STARD13: variants seen among roughly 807,000 people sequenced by gnomAD.
The protein encoded by STARD13 is stAR-related lipid transfer protein 13.
Under a neutral mutation model 106.4 loss-of-function variants are expected in STARD13, and 62 were observed. That is an observed-to-expected ratio of 0.58 (90% CI 0.48 to 0.72). The LOEUF (loss-of-function observed/expected upper bound fraction) is 0.72. Among genes scored for constraint, STARD13 ranks in the 30% least tolerant of loss-of-function variants. The pLI, the probability that STARD13 is intolerant of heterozygous loss-of-function variation, is 0.00. For synonymous variants in STARD13, 565 were observed against 553.0 expected (o/e 1.02, Z -0.31); for missense variants, 1,387 against 1,424.0 (o/e 0.97, Z 0.42).
the STARD13 span, among the ~76,000 whole-genome samples, chr13:33,373,517 G>A: frequency 1.3e-5 from 2 of 152,008 alleles, no homozygotes; most frequent in African/African-American, 4.8e-5. Flanking sequence ...GAGAAAAAAC[G>A]CCAATATGGT....
chr13:33,269,756 A>C (rs887306929), intron 1 of STARD13, among the ~76,000 whole-genome samples: 1 of 152,246 alleles, frequency 6.6e-6, no homozygotes, highest in African/African-American at 2.4e-5. Flanking sequence ...AATACAAAGT[A>C]TAATTCTTGA....
the STARD13 span, among the ~76,000 whole-genome samples, chr13:33,377,743 A>G: frequency 6.6e-6 from 1 of 152,182 alleles, no homozygotes; most frequent in African/African-American, 2.4e-5. Flanking sequence ...AGAAAAGCCT[A>G]CACTTAGAGC....
the STARD13 span, among the ~76,000 whole-genome samples, chr13:33,460,510 A>C: frequency 6.6e-6 from 1 of 151,220 alleles, no homozygotes; most frequent in African/African-American, 2.4e-5. Context: ...AAAAAGAAAG[A>C]TTGTTTCTGG....
At chr13:33,350,612 A>C (rs2138624940) in exon 1 of STARD13, 2 of 1,375,394 alleles carry the variant, frequency 1.5e-6, no homozygotes, top group Non-Finnish European at 9.4e-7. Flanking sequence ...GGCCACCAGA[A>C]ACGCCGCGCT....
the STARD13 span, among the ~76,000 whole-genome samples, chr13:33,494,489 A>T: frequency 4.7e-4 from 72 of 152,196 alleles, 1 homozygote; most frequent in East Asian, 0.013. Flanking sequence ...TGGGCGTGAA[A>T]AGGAATTATA....
chr13:33,577,120 C>T, the STARD13 span, among the ~76,000 whole-genome samples: 1 of 152,148 alleles, frequency 6.6e-6, no homozygotes, highest in Non-Finnish European at 1.5e-5. Context: ...ATGTCCATGT[C>T]TTTACTGCAG....
At position 33,142,386 on chromosome 13, in the gene STARD13, A is replaced by G. The variant is rs1290618480; in HGVS notation, c.324-13T>C. 6.2e-7 allele frequency: 1 copy of G among 1,606,958 alleles called. No homozygotes were observed. The highest frequency in any genetic ancestry group is 2.2e-5 in the East Asian group (1 of 44,850). The stretch of plus-strand genomic sequence containing the variant: ...CGTATTTAGTCGTCTAAAAGGAAAG[A>G]AAAATGTGATGATTACTTTCACTAA... On this transcript the variant is annotated splice_polypyrimidine_tract_variant and intron_variant, in intron 3 of 13. Transcript: ENST00000336934.
chr13:33,565,662 A>G, the STARD13 span, among the ~76,000 whole-genome samples: 2 of 147,912 alleles, frequency 1.4e-5, 1 homozygote, highest in Non-Finnish European at 3.0e-5. Context: ...AATTACCTGT[A>G]GGCTCATACA....
intron 1 of STARD13, among the ~76,000 whole-genome samples, chr13:33,237,274 A>G (rs765552567): frequency 6.6e-6 from 1 of 152,200 alleles, no homozygotes; most frequent in Non-Finnish European, 1.5e-5. Flanking sequence ...TAGGAAAAAT[A>G]ATTAAATAAT....
At chr13:33,473,434 C>T in the STARD13 span, among the ~76,000 whole-genome samples, 2 of 152,212 alleles carry the variant, frequency 1.3e-5, no homozygotes, top group African/African-American at 4.8e-5. Context: ...TGGTATATGT[C>T]TGGTTGCATG....
At chr13:33,218,764 T>G (rs1405136292) in intron 1 of STARD13, among the ~76,000 whole-genome samples, 2 of 152,218 alleles carry the variant, frequency 1.3e-5, no homozygotes, top group Non-Finnish European at 2.9e-5. Context: ...TTCATTCAGT[T>G]GTCTGTGAAG....
the STARD13 span, among the ~76,000 whole-genome samples, chr13:33,465,712 C>T: frequency 6.6e-6 from 1 of 152,052 alleles, no homozygotes; most frequent in African/African-American, 2.4e-5. Flanking sequence ...ACATGCACTA[C>T]GCTAAGAGGC....
intron 1 of STARD13, among the ~76,000 whole-genome samples, chr13:33,190,568 GTTTTCTTTTC>G (rs1232537667): frequency 4.4e-4 from 66 of 149,414 alleles, no homozygotes; most frequent in Middle Eastern, 3.6e-3. Context: ...CACCCATTTC[GTTTTCTTTTC>G]TTTTCTTTTC....
At chr13:33,440,778 T>TC in the STARD13 span, among the ~76,000 whole-genome samples, 1 of 145,398 alleles carries the variant, frequency 6.9e-6, no homozygotes, top group African/African-American at 2.5e-5. Flanking sequence ...TTTTTTTTTT[T>TC]TTTTTTTTTT....
At chr13:33,418,689 G>A in the STARD13 span, among the ~76,000 whole-genome samples, 2 of 152,206 alleles carry the variant, frequency 1.3e-5, no homozygotes, top group South Asian at 4.1e-4. Flanking sequence ...CTCCCAGTAG[G>A]GGCCAACAGA....
chr13:33,301,232 G>A (rs1179750685), intron 1 of STARD13, among the ~76,000 whole-genome samples: 1 of 152,220 alleles, frequency 6.6e-6, no homozygotes, highest in Non-Finnish European at 1.5e-5. Flanking sequence ...CTGGGTGAAA[G>A]ACAGGTAGGA....
At chr13:33,107,636 A>G (rs1245402692) in intron 12 of STARD13, among the ~76,000 whole-genome samples, 1 of 152,198 alleles carries the variant, frequency 6.6e-6, no homozygotes. Context: ...AGGCAGAGAT[A>G]GGAAAGTACA....
the STARD13 span, chr13:33,519,831 G>C: frequency 1.3e-5 from 2 of 152,030 alleles, no homozygotes; most frequent in Non-Finnish European, 2.9e-5. Flanking sequence ...ATATTTCCAA[G>C]TCCTGCATAG....
At chr13:33,237,017 A>G (rs1352440439) in intron 1 of STARD13, among the ~76,000 whole-genome samples, 3 of 151,860 alleles carry the variant, frequency 2.0e-5, no homozygotes, top group Non-Finnish European at 2.9e-5. Flanking sequence ...TTCACTGCTC[A>G]ATTTTCTTCT....
Sources: allele counts gnomAD v4.1 joint callset (sites outside exome capture counted in the v4.1 genomes callset), GRCh38; gene constraint gnomAD v4.1.1; transcripts MANE v1.5; gene names NCBI Gene and HGNC (gene_info 2026-07-23, HGNC 2026-07-21).